The following PRPSAP2 variants were observed in gnomAD, a reference collection of about 807,000 sequenced individuals.
PRPSAP2 encodes phosphoribosyl pyrophosphate synthetase associated protein 2, also known as phosphoribosyl pyrophosphate synthase-associated protein 2.
PRPSAP2 carries 24 observed loss-of-function variants against 40.6 expected under a neutral mutation model. The ratio of observed to expected loss-of-function variants is 0.59; its 90% CI spans 0.43 to 0.83. The LOEUF (loss-of-function observed/expected upper bound fraction) is 0.83. Among genes scored for constraint, PRPSAP2 ranks in the 40% least tolerant of loss-of-function variants. The probability of loss-of-function intolerance (pLI) is 0.00; values close to 1 mark genes in which losing one functional copy is unlikely to be tolerated. For missense variants in PRPSAP2, 292 were observed against 465.6 expected (o/e 0.63, Z 3.43); for synonymous variants, 149 against 164.7 (o/e 0.90, Z 0.73).
At chr17:18,880,375 A>G (rs911274843) in intron 6 of PRPSAP2, among the ~76,000 whole-genome samples, 16 of 151,900 alleles carry the variant, frequency 1.1e-4, no homozygotes, top group African/African-American at 1.7e-4. Context: ...GTTTTCTCCA[A>G]TTTCCAGGCT....
chr17:18,920,366 A>C (rs1010003804), intron 9 of PRPSAP2, among the ~76,000 whole-genome samples: 1 of 151,970 alleles, frequency 6.6e-6, no homozygotes. Context: ...GATGATCTCT[A>C]TGTTCTTTCT....
intron 7 of PRPSAP2, among the ~76,000 whole-genome samples, chr17:18,886,929 CTTTTTTTTT>C (rs71155365): frequency 6.6e-5 from 5 of 75,372 alleles, no homozygotes; most frequent in African/African-American, 2.7e-4. Flanking sequence ...TTCTTTTCTT[CTTTTTTTTT>C]TTTTTTTTTT....
intron 10 of PRPSAP2, 51 bp downstream of exon 10, chr17:18,924,035 G>A: frequency 6.7e-7 from 1 of 1,494,412 alleles, no homozygotes; most frequent in Non-Finnish European, 9.3e-7. Context: ...TTGTTATTCT[G>A]TTGATTGATT....
At chr17:18,913,291 GC>G (rs374648590) in intron 9 of PRPSAP2, among the ~76,000 whole-genome samples, 56 of 152,292 alleles carry the variant, frequency 3.7e-4, no homozygotes, top group African/African-American at 1.3e-3. Context: ...TGTGGAGATG[GC>G]CCTGCACGGA....
intron 8 of PRPSAP2, among the ~76,000 whole-genome samples, chr17:18,905,914 G>T (rs2040558124): frequency 6.6e-6 from 1 of 152,048 alleles, no homozygotes; most frequent in Admixed American, 6.6e-5. Context: ...AAACTATTTT[G>T]ATTTTTTTTG....
chr17:18,912,741 AAGG>A (rs2041042658), intron 9 of PRPSAP2, among the ~76,000 whole-genome samples: 1 of 152,180 alleles, frequency 6.6e-6, no homozygotes, highest in South Asian at 2.1e-4. Context: ...CCATTCCAAA[AAGG>A]AGAAGTGAGG....
intron 5 of PRPSAP2, 138 bp from the exon 6 acceptor site, chr17:18,877,560 G>A: frequency 2.9e-6 from 2 of 700,750 alleles, no homozygotes; most frequent in Non-Finnish European, 2.3e-6. Context: ...TGAGAAAAGA[G>A]GAATTTATTG....
At chr17:18,889,748 C>T (rs3803835) in intron 7 of PRPSAP2, 74 bp from the exon 8 acceptor site, 637,569 of 1,216,792 alleles carry the variant, frequency 0.52, 170,113 homozygotes, top group Middle Eastern at 0.59. Context: ...TTCAACTAGC[C>T]AAGCATTTTT....
chr17:18,901,029 A>G (rs2040237248), intron 8 of PRPSAP2, among the ~76,000 whole-genome samples: 2 of 152,076 alleles, frequency 1.3e-5, no homozygotes, highest in Non-Finnish European at 2.9e-5. Flanking sequence ...GTGCCTCATT[A>G]TAGCCTGACA....
At chr17:18,910,529 A>C (rs555460063) in intron 8 of PRPSAP2, among the ~76,000 whole-genome samples, 27,303 of 152,166 alleles carry the variant, frequency 0.18, 2,687 homozygotes, top group African/African-American at 0.25. Flanking sequence ...TGCCTGGGGC[A>C]ACACTTAGTG....
At chr17:18,857,383 C>T (rs1214107416), upstream of PRPSAP2, among the ~76,000 whole-genome samples, 1 of 150,606 alleles carries the variant, frequency 6.6e-6, no homozygotes, top group African/African-American at 2.4e-5. Context: ...TTATTATACA[C>T]CCAGAACTGT....
At chr17:18,914,847 C>T (rs960465948) in intron 9 of PRPSAP2, among the ~76,000 whole-genome samples, 4 of 151,766 alleles carry the variant, frequency 2.6e-5, no homozygotes, top group African/African-American at 9.7e-5. Flanking sequence ...GCCTCGGCCT[C>T]CTGAGTAGCT....
intron 7 of PRPSAP2, among the ~76,000 whole-genome samples, chr17:18,887,477 C>T (rs1167844232): frequency 1.3e-5 from 2 of 152,018 alleles, no homozygotes; most frequent in African/African-American, 2.4e-5. Context: ...GTTCTGCCCA[C>T]CTTGGCCTCC....
intron 10 of PRPSAP2, chr17:18,928,350 G>GA (rs1423234180): frequency 5.0e-6 from 1 of 200,836 alleles, no homozygotes; most frequent in Non-Finnish European, 1.0e-5. Context: ...GCTCAGTGGA[G>GA]AAAATTTGGA....
intron 4 of PRPSAP2, among the ~76,000 whole-genome samples, chr17:18,872,212 G>T (rs2151894298): frequency 6.6e-6 from 1 of 151,232 alleles, no homozygotes; most frequent in South Asian, 2.1e-4. Flanking sequence ...GGCAGAGCTT[G>T]CAGTGAGCCA....
At chr17:18,861,024 A>T (rs1032683520) in intron 1 of PRPSAP2, among the ~76,000 whole-genome samples, 1 of 152,332 alleles carries the variant, frequency 6.6e-6, no homozygotes, top group African/African-American at 2.4e-5. Flanking sequence ...CTCATTTCAC[A>T]CTAAAACCTT....
intron 8 of PRPSAP2, among the ~76,000 whole-genome samples, chr17:18,891,796 C>T (rs2039559386): frequency 6.6e-6 from 1 of 152,196 alleles, no homozygotes; most frequent in African/African-American, 2.4e-5. Context: ...TGTCTGGTTT[C>T]TTTCACTTAG....
At chr17:18,930,519 T>G in intron 11 of PRPSAP2, 21 bp from the exon 12 acceptor site, 4 of 1,604,146 alleles carry the variant, frequency 2.5e-6, no homozygotes, top group Non-Finnish European at 3.4e-6. Context: ...ATGCTGTGGT[T>G]TTTTTTCTTT....
rs575996287 is a variant in PRPSAP2 at position 18,891,984 on chromosome 17, G to A, written c.584+2107G>A. On this transcript the variant is annotated intron_variant, in intron 8 of 11. Coordinates refer to ENST00000268835, the MANE Select transcript of PRPSAP2 (RefSeq NM_002767.4). ...CAATTCTCCTGCCTCATCCTCCCAG[G>A]TAGCTGGAATTACAGGTGCATGCTA... Among the ~76,000 whole-genome samples the A allele has an allele frequency of 1.7e-3, 257 of 152,312 alleles. 1 individual carries two copies. Among genetic ancestry groups the A allele is most frequent in the African/African-American group, 5.9e-3 (247 of 41,566 alleles).
Sources: gnomAD v4.1 joint callset for allele counts (sites outside exome capture counted in the v4.1 genomes callset) on GRCh38, gnomAD v4.1.1 for gene constraint, MANE v1.5 for transcripts, NCBI Gene and HGNC (gene_info 2026-07-23, HGNC 2026-07-21) for gene names.